TPO: variants seen among roughly 807,000 people sequenced by gnomAD.
TPO encodes thyroid peroxidase, also known as thyroid microsomal antigen.
TPO carries 78 observed loss-of-function variants against 96.9 expected under a neutral mutation model. The observed-to-expected ratio is 0.81, with a 90% CI of 0.67 to 0.97. The LOEUF is 0.97. TPO is among the 50% of genes least tolerant of loss of function. The pLI is 0.00. For synonymous variants in TPO, 547 were observed against 538.0 expected (o/e 1.02, Z -0.23); for missense variants, 1,252 against 1,274.8 (o/e 0.98, Z 0.27).
chr2:1,416,585 A>G (rs1662984596), intron 2 of TPO, among the ~76,000 whole-genome samples: 1 of 152,236 alleles, frequency 6.6e-6, no homozygotes. Context: ...TTTGGTTGAC[A>G]CATCACGAGT....
At chr2:1,426,954 T>C (rs561045279) in intron 3 of TPO, among the ~76,000 whole-genome samples, 2 of 152,124 alleles carry the variant, frequency 1.3e-5, no homozygotes, top group Admixed American at 6.5e-5. Context: ...TTTTGGAAAG[T>C]GATAGGAAAG....
At position 1,503,931 on chromosome 2, in the gene TPO, C is replaced by T. The variant is rs28912996; in HGVS notation, c.2387-17C>T. The T allele has an allele frequency of 2.5e-3, 4,026 of 1,614,126 alleles. 87 individuals are homozygous for T. In the East Asian group the frequency reaches 0.046, roughly 18 times the overall value. ...CAGCCGCTTCCTCTCACGTGTGTGG[C>T]CTTGTGTGTCTGGCAGATGTGAACG... On this transcript the variant is annotated splice_polypyrimidine_tract_variant and intron_variant, in intron 13 of 16. Transcript: ENST00000329066.
intron 15 of TPO, among the ~76,000 whole-genome samples, chr2:1,532,782 C>G (rs1423945836): frequency 3.5e-5 from 2 of 57,456 alleles, no homozygotes. Context: ...TGAGCAACCT[C>G]CCCAAATCCC....
intron 5 of TPO, chr2:1,438,802 T>C (rs1215074271): frequency 1.4e-6 from 1 of 703,678 alleles, no homozygotes; most frequent in East Asian, 2.7e-5. Flanking sequence ...TTTTTGCAAA[T>C]GCCTGGATTA....
At chr2:1,474,698 C>G (rs952381348) in intron 7 of TPO, among the ~76,000 whole-genome samples, 1 of 152,170 alleles carries the variant, frequency 6.6e-6, no homozygotes, top group African/African-American at 2.4e-5. Context: ...TCTTCATTTT[C>G]CAATGTGCTG....
chr2:1,414,070 C>T (rs1662625605), intron 1 of TPO, among the ~76,000 whole-genome samples: 1 of 151,974 alleles, frequency 6.6e-6, no homozygotes, highest in Non-Finnish European at 1.5e-5. Flanking sequence ...TTTTCATTCC[C>T]AATAATTATT....
intron 13 of TPO, among the ~76,000 whole-genome samples, chr2:1,500,814 G>C (rs1672800161): frequency 6.6e-6 from 1 of 151,582 alleles, no homozygotes; most frequent in Non-Finnish European, 1.5e-5. Flanking sequence ...AAAATACAAA[G>C]AAGAAAAATT....
At chr2:1,433,629 A>G in intron 4 of TPO, 22 bp downstream of exon 4, 1 of 1,610,922 alleles carries the variant, frequency 6.2e-7, no homozygotes, top group South Asian at 1.1e-5. Context: ...CCCTCTCCCC[A>G]CTGAGGAGCG....
At chr2:1,472,960 G>A (rs1199570290) in intron 7 of TPO, among the ~76,000 whole-genome samples, 2 of 151,282 alleles carry the variant, frequency 1.3e-5, no homozygotes, top group African/African-American at 2.4e-5. Context: ...TTTGTTCAAC[G>A]AATGATCTGT....
At chr2:1,466,451 T>C (rs1265996782) in intron 7 of TPO, among the ~76,000 whole-genome samples, 2 of 152,342 alleles carry the variant, frequency 1.3e-5, no homozygotes, top group African/African-American at 2.4e-5. Context: ...TGTGGAGTAG[T>C]GTCAATAGGA....
chr2:1,490,433 G>A (rs1020832433), intron 10 of TPO, among the ~76,000 whole-genome samples: 22 of 130,134 alleles, frequency 1.7e-4, no homozygotes, highest in Admixed American at 3.0e-4. Context: ...CCCACACAGG[G>A]GGAGTCACGA....
intron 7 of TPO, among the ~76,000 whole-genome samples, chr2:1,475,563 A>G (rs894838379): frequency 2.0e-5 from 3 of 152,118 alleles, no homozygotes. Flanking sequence ...AGCTGGGACT[A>G]CAGGTGCCCG....
chr2:1,468,915 T>C (rs1195824795), intron 7 of TPO, among the ~76,000 whole-genome samples: 4 of 152,224 alleles, frequency 2.6e-5, no homozygotes, highest in Non-Finnish European at 5.9e-5. Context: ...TTATTCTTTT[T>C]TCTTTGTCTT....
chr2:1,486,716 C>A (rs1055205945), intron 9 of TPO, among the ~76,000 whole-genome samples: 29 of 152,124 alleles, frequency 1.9e-4, no homozygotes, highest in African/African-American at 7.0e-4. Flanking sequence ...CCCATTTTTT[C>A]TTTATATTCC....
chr2:1,406,410 A>G (rs1415754763), intron 1 of TPO, among the ~76,000 whole-genome samples: 2 of 152,244 alleles, frequency 1.3e-5, no homozygotes, highest in East Asian at 1.9e-4. Context: ...TGTAAGACAC[A>G]AAGAACTTAG....
intron 9 of TPO, among the ~76,000 whole-genome samples, chr2:1,485,624 T>A (rs955112366): frequency 2.6e-5 from 4 of 151,752 alleles, no homozygotes; most frequent in African/African-American, 7.3e-5. Flanking sequence ...GGTATCTCAT[T>A]GTGGTTTTGA....
At chr2:1,425,162 T>C (rs1327011238) in intron 3 of TPO, among the ~76,000 whole-genome samples, 2 of 151,428 alleles carry the variant, frequency 1.3e-5, no homozygotes, top group Non-Finnish European at 2.9e-5. Context: ...ATGAGTTAGA[T>C]TATTTCATAT....
chr2:1,477,044 C>A (rs1470452223), intron 7 of TPO, 42 bp from the exon 8 acceptor site: 12 of 1,584,848 alleles, frequency 7.6e-6, no homozygotes, highest in Non-Finnish European at 1.0e-5. Flanking sequence ...ACAAAGGGTG[C>A]ACGGGGGCCC....
intron 6 of TPO, among the ~76,000 whole-genome samples, chr2:1,455,700 G>A (rs1009377112): frequency 6.6e-6 from 1 of 152,224 alleles, no homozygotes; most frequent in East Asian, 1.9e-4. Context: ...GCTTGTGGCT[G>A]GAGGCTCTGC....
Sources: allele counts gnomAD v4.1 joint callset (sites outside exome capture counted in the v4.1 genomes callset), GRCh38; gene constraint gnomAD v4.1.1; transcripts MANE v1.5; gene names NCBI Gene and HGNC (gene_info 2026-07-23, HGNC 2026-07-21).